AHCY: variants seen among roughly 807,000 people sequenced by gnomAD.
AHCY encodes adenosylhomocysteinase.
Under a neutral mutation model 45.4 loss-of-function variants are expected in AHCY, and 24 were observed. The ratio of observed to expected loss-of-function variants is 0.53; its 90% confidence interval spans 0.38 to 0.74. AHCY has a LOEUF of 0.74. AHCY is among the 30% of genes least tolerant of loss of function. The probability of loss-of-function intolerance (pLI) is 0.00; values close to 1 mark genes in which losing one functional copy is unlikely to be tolerated. For synonymous variants in AHCY, 245 were observed against 235.1 expected (o/e 1.04, Z -0.39); for missense variants, 449 against 594.1 (o/e 0.76, Z 2.54).
chr20:34,252,866 C>T, the AHCY span, among the ~76,000 whole-genome samples: 2 of 152,156 alleles, frequency 1.3e-5, no homozygotes, highest in African/African-American at 4.8e-5. Context: ...TGGAGAATGG[C>T]GATGACTTTT....
At chr20:34,269,401 G>C in the AHCY span, 7 of 524,200 alleles carry the variant, frequency 1.3e-5, no homozygotes, top group African/African-American at 1.4e-4. Context: ...CCTTCGCCAC[G>C]GAGTCCCGCG....
intron 9 of AHCY, among the ~76,000 whole-genome samples, chr20:34,281,943 C>T (rs13036766): frequency 2.4e-3 from 362 of 152,332 alleles, no homozygotes; most frequent in Non-Finnish European, 4.1e-3. Flanking sequence ...CCTGCCTCAG[C>T]CTCCCAAAGT....
chr20:34,273,347 A>C, the AHCY span, among the ~76,000 whole-genome samples: 1 of 151,910 alleles, frequency 6.6e-6, no homozygotes, highest in East Asian at 1.9e-4. Context: ...GTTGTTTGCA[A>C]CTAATATACT....
In AHCY at chr20:34,309,566, G is replaced by A. The variant is rs568162028; in HGVS notation, c.-57+1906C>T. Among the ~76,000 whole-genome samples, 6 of 152,214 alleles carry A rather than the reference G, an allele frequency of 3.9e-5. 1 individual carries two copies. The highest frequency in any genetic ancestry group is 9.6e-5 in the African/African-American group (4 of 41,544). On this transcript the variant is annotated intron_variant, in intron 1 of 9. Coordinates refer to the AHCY transcript ENST00000538132. ...TGTGATCCCAGCACTTTGGGAAGCC[G>A]AGGCTGGCAGATCACAAGGTCAGGA...
rs199872975 is a variant in AHCY, at chr20:34,291,525, C to T, written c.452G>A (p.Arg151Gln). Residue 151 changes from arginine (R) to glutamine (Q), a missense_variant, in exon 5 of 10, where the codon CGA (arginine) becomes CAA (glutamine). By Grantham distance (43) the Arg-to-Gln change is conservative. Coordinates refer to ENST00000217426, the MANE Select transcript of AHCY (RefSeq NM_000687.4). ...AGTCGTGGTCTCCTCAGAGATGCCTCGGATGCCTAAACAAGAGGGGACAGG... is the reference window on the plus strand; with the variant it reads ...AGTCGTGGTCTCCTCAGAGATGCCTTGGATGCCTAAACAAGAGGGGACAGG... ...TKYPQLLPGI[R>Q]GISEETTTGV... is the part of the protein sequence containing the mutation. The T allele has an allele frequency of 6.4e-5, 103 of 1,614,044 alleles. No homozygotes were observed. The highest frequency in any genetic ancestry group is 8.2e-5 in the Non-Finnish European group (97 of 1,179,916).
At chr20:34,292,827 G>A (rs2036444735) in intron 3 of AHCY, among the ~76,000 whole-genome samples, 1 of 152,206 alleles carries the variant, frequency 6.6e-6, no homozygotes, top group Admixed American at 6.5e-5. Context: ...CCCCGCCCCA[G>A]ATATAGATAT....
intron 1 of AHCY, among the ~76,000 whole-genome samples, 160 bp from the exon 2 acceptor site, chr20:34,295,745 C>T: frequency 6.6e-6 from 1 of 152,212 alleles, no homozygotes; most frequent in East Asian, 1.9e-4. Context: ...ATTTATGAAG[C>T]CAGAGTACTC....
intron 1 of AHCY, among the ~76,000 whole-genome samples, chr20:34,299,066 G>A (rs1364054221): frequency 6.6e-6 from 1 of 152,084 alleles, no homozygotes; most frequent in Non-Finnish European, 1.5e-5. Context: ...CGGTCTCCGC[G>A]CATTGATGGT....
chr20:34,311,662 G>A (rs1440427222), exon 1 of AHCY: 1 of 152,486 alleles, frequency 6.6e-6, no homozygotes, highest in Non-Finnish European at 1.5e-5. Context: ...GCTTCGAGAT[G>A]GGATAGAGAG....
chr20:34,238,872 G>A, the AHCY span, among the ~76,000 whole-genome samples: 1 of 151,994 alleles, frequency 6.6e-6, no homozygotes, highest in Non-Finnish European at 1.5e-5. Context: ...CTATCTCTGT[G>A]CCAAGGACAC....
At chr20:34,260,551 C>G in the AHCY span, 1,327 of 1,594,192 alleles carry the variant, frequency 8.3e-4, 10 homozygotes, top group African/African-American at 0.015. Flanking sequence ...CACCTAGCCT[C>G]TGGGCTCTGG....
chr20:34,265,968 G>T, the AHCY span, among the ~76,000 whole-genome samples: 13 of 151,968 alleles, frequency 8.6e-5, no homozygotes, highest in Admixed American at 2.6e-4. Flanking sequence ...AAAAGCGGAG[G>T]GGGGGAAGTT....
upstream of AHCY, among the ~76,000 whole-genome samples, chr20:34,307,110 TTTTC>T (rs952068158): frequency 1.4e-4 from 15 of 108,464 alleles, no homozygotes; most frequent in Middle Eastern, 4.5e-3. Context: ...TTTGTTTCTT[TTTTC>T]TTTTTCTTTT....
chr20:34,258,674 C>CATATATATATATATATATATAT, the AHCY span, among the ~76,000 whole-genome samples: 1,607 of 12,044 alleles, frequency 0.13, 421 homozygotes, highest in South Asian at 0.29. Flanking sequence ...AGGGGGATGC[C>CATATATATATATATATATATAT]ATATATATAT....
chr20:34,246,014 G>T, the AHCY span: 1 of 1,031,044 alleles, frequency 9.7e-7, no homozygotes, highest in Non-Finnish European at 1.5e-6. Context: ...CCATTTTTCT[G>T]AATGACATGA....
At chr20:34,235,617 T>C in the AHCY span, among the ~76,000 whole-genome samples, 7 of 151,652 alleles carry the variant, frequency 4.6e-5, no homozygotes, top group African/African-American at 1.7e-4. Context: ...AGTTTGTTTG[T>C]GATGTTGAAA....
At chr20:34,267,541 T>A in the AHCY span, among the ~76,000 whole-genome samples, 1 of 151,766 alleles carries the variant, frequency 6.6e-6, no homozygotes, top group South Asian at 2.1e-4. Context: ...TATTTATTTA[T>A]TTTTTTTGAG....
At chr20:34,237,584 T>A in the AHCY span, among the ~76,000 whole-genome samples, 1 of 152,252 alleles carries the variant, frequency 6.6e-6, no homozygotes, top group Non-Finnish European at 1.5e-5. Flanking sequence ...TTTAAGATCA[T>A]ATTATCTGTG....
the AHCY span, among the ~76,000 whole-genome samples, chr20:34,237,792 A>G: frequency 2.0e-5 from 3 of 152,024 alleles, no homozygotes; most frequent in African/African-American, 7.2e-5. Context: ...TGGGTTTTTC[A>G]TATATGGCTT....
Sources: gnomAD v4.1 joint callset for allele counts (sites outside exome capture counted in the v4.1 genomes callset) on GRCh38, gnomAD v4.1.1 for gene constraint, MANE v1.5 for transcripts, NCBI Gene and HGNC (gene_info 2026-07-23, HGNC 2026-07-21) for gene names.